Variants in CSMD2 observed in about 807,000 individuals in gnomAD.
CSMD2 encodes CUB and sushi domain-containing protein 2.
A neutral mutation model predicts 398.5 loss-of-function variants in CSMD2; 130 were observed. The ratio of observed to expected loss-of-function variants is 0.33; its 90% CI spans 0.28 to 0.38. The LOEUF (loss-of-function observed/expected upper bound fraction) is 0.38, where lower values mean the gene tolerates loss of function less well. CSMD2 is among the 10% of genes least tolerant of loss of function. The pLI is 1.00. For missense variants in CSMD2, 3,829 were observed against 4,764.9 expected (o/e 0.80, Z 5.78); for synonymous variants, 1,828 against 1,908.5 (o/e 0.96, Z 1.10).
intron 1 of CSMD2, among the ~76,000 whole-genome samples, chr1:34,107,340 C>T (rs996967519): frequency 6.6e-6 from 1 of 152,072 alleles, no homozygotes; most frequent in African/African-American, 2.4e-5. Flanking sequence ...GCTTCCTGCC[C>T]TCATGGAGCT....
chr1:33,723,664 C>T (rs1180413159), intron 19 of CSMD2, among the ~76,000 whole-genome samples: 1 of 152,134 alleles, frequency 6.6e-6, no homozygotes, highest in Non-Finnish European at 1.5e-5. Flanking sequence ...CTGAGTTATG[C>T]AAGAAGGGGA....
At chr1:34,145,400 C>T (rs947542792) in intron 1 of CSMD2, among the ~76,000 whole-genome samples, 2 of 152,206 alleles carry the variant, frequency 1.3e-5, no homozygotes, top group African/African-American at 2.4e-5. Context: ...CCTCCTCACT[C>T]GGCCATGGCT....
intron 5 of CSMD2, among the ~76,000 whole-genome samples, chr1:33,902,788 C>T (rs572481349): frequency 1.8e-3 from 278 of 152,238 alleles, no homozygotes; most frequent in African/African-American, 6.4e-3. Flanking sequence ...GGGTCCCTGG[C>T]GGTCCCCAAG....
chr1:34,025,357 C>T (rs147376862), intron 3 of CSMD2, among the ~76,000 whole-genome samples: 3 of 152,198 alleles, frequency 2.0e-5, no homozygotes, highest in South Asian at 2.1e-4. Flanking sequence ...GAGCACAAAT[C>T]GTGACAATGA....
chr1:33,993,891 T>C (rs898747756), intron 3 of CSMD2, among the ~76,000 whole-genome samples: 1 of 152,174 alleles, frequency 6.6e-6, no homozygotes, highest in Non-Finnish European at 1.5e-5. Flanking sequence ...CCATTCTTCT[T>C]TGTACGGCTC....
At chr1:33,896,790 T>TGC (rs1485005299) in intron 5 of CSMD2, among the ~76,000 whole-genome samples, 1 of 152,072 alleles carries the variant, frequency 6.6e-6, no homozygotes, top group Non-Finnish European at 1.5e-5. Flanking sequence ...GGCCTCACTG[T>TGC]GCATATGATC....
chr1:33,542,637 ATCTTCCATGGATAGCCT>A, intron 58 of CSMD2, 66 bp downstream of exon 58: 1 of 1,290,926 alleles, frequency 7.7e-7, no homozygotes, highest in Admixed American at 2.2e-5. Flanking sequence ...ATTCTGCACC[ATCTTCCATGGATAGCCT>A]TCTCCTCTGG....
chr1:33,805,671 G>A (rs1656144624), intron 10 of CSMD2, among the ~76,000 whole-genome samples: 1 of 152,104 alleles, frequency 6.6e-6, no homozygotes, highest in South Asian at 2.1e-4. Flanking sequence ...GCTGTAATCC[G>A]ATGGTAGTGG....
chr1:34,035,748 A>AC (rs1651042738), intron 2 of CSMD2, among the ~76,000 whole-genome samples: 1 of 152,062 alleles, frequency 6.6e-6, no homozygotes, highest in South Asian at 2.1e-4. Flanking sequence ...CAAAAAAAAA[A>AC]AAACAGTAGC....
chr1:33,638,631 T>G (rs1642938398), intron 29 of CSMD2, among the ~76,000 whole-genome samples: 2 of 152,234 alleles, frequency 1.3e-5, no homozygotes, highest in Admixed American at 6.5e-5. Flanking sequence ...TTCAAGGCCC[T>G]GCACATGTGG....
chr1:33,878,948 C>T (rs928548558), intron 5 of CSMD2, among the ~76,000 whole-genome samples: 36 of 152,066 alleles, frequency 2.4e-4, no homozygotes, highest in African/African-American at 5.6e-4. Flanking sequence ...AGCTCTTGAA[C>T]GAAAAGAAAA....
intron 5 of CSMD2, among the ~76,000 whole-genome samples, chr1:33,903,285 G>A (rs1642871824): frequency 6.6e-6 from 1 of 150,846 alleles, no homozygotes; most frequent in Admixed American, 6.6e-5. Flanking sequence ...AACTGAGAGA[G>A]ATCTCACATT....
chr1:33,949,736 G>A (rs1329677565), intron 3 of CSMD2, among the ~76,000 whole-genome samples: 2 of 152,138 alleles, frequency 1.3e-5, no homozygotes, highest in African/African-American at 2.4e-5. Context: ...GACAAGAAGT[G>A]GCACATGGCC....
intron 68 of CSMD2, among the ~76,000 whole-genome samples, chr1:33,520,252 T>G (rs1056191344): frequency 8.5e-5 from 13 of 152,212 alleles, no homozygotes; most frequent in Non-Finnish European, 1.9e-4. Context: ...GTGCAGCCCT[T>G]TAGAAGTCTC....
Position 33,557,872 on chromosome 1 carries a change from GGACCTGACGAACACTATTTTCT to G in CSMD2, c.8583_8604del (p.Gln2861HisfsTer133). 1 of 1,536,178 alleles carries G rather than the reference GGACCTGACGAACACTATTTTCT, an allele frequency of 6.5e-7. No homozygotes were observed. Among genetic ancestry groups the G allele is most frequent in the Non-Finnish European group, 8.7e-7 (1 of 1,146,924 alleles). On this transcript the variant is annotated frameshift_variant, in exon 55 of 71. Coordinates refer to ENST00000373381, the MANE Select transcript of CSMD2 (RefSeq NM_001281956.2). LOFTEE classifies it high-confidence loss of function. ...CTGAACCTGTGCGGGCCGCTGGCGTGGACCTGACGAACACTATTTTCTTGGTGTCCAGGATCTGTACAGTTGA... is the reference window on the plus strand; with the variant it reads ...CTGAACCTGTGCGGGCCGCTGGCGTGTGGTGTCCAGGATCTGTACAGTTGA...
chr1:34,085,696 T>C (rs1657801671), intron 2 of CSMD2, among the ~76,000 whole-genome samples: 1 of 152,106 alleles, frequency 6.6e-6, no homozygotes, highest in Non-Finnish European at 1.5e-5. Flanking sequence ...TTAATTCTGG[T>C]ATACTTATTT....
intron 25 of CSMD2, among the ~76,000 whole-genome samples, chr1:33,664,720 A>G (rs1644252359): frequency 6.6e-6 from 1 of 152,096 alleles, no homozygotes; most frequent in South Asian, 2.1e-4. Context: ...GGAGAATGTA[A>G]TGAACCCGGG....
chr1:33,555,242 G>A (rs1657848583), intron 55 of CSMD2, among the ~76,000 whole-genome samples: 2 of 152,170 alleles, frequency 1.3e-5, no homozygotes, highest in Admixed American at 1.3e-4. Context: ...AAAGTAGCAA[G>A]AGAACTAGAA....
intron 4 of CSMD2, among the ~76,000 whole-genome samples, chr1:33,933,403 C>T (rs910654280): frequency 3.3e-5 from 5 of 152,134 alleles, no homozygotes; most frequent in Non-Finnish European, 7.3e-5. Flanking sequence ...GTGATACCCC[C>T]GCTGCATCCA....
Sources: allele counts gnomAD v4.1 joint callset (sites outside exome capture counted in the v4.1 genomes callset), GRCh38; gene constraint gnomAD v4.1.1; transcripts MANE v1.5; gene names NCBI Gene and HGNC (gene_info 2026-07-23, HGNC 2026-07-21).